PAK3: variants seen among roughly 807,000 people sequenced by gnomAD.
PAK3 encodes the protein serine/threonine-protein kinase PAK 3.
Under a neutral mutation model 41.0 loss-of-function variants are expected in PAK3, and 4 were observed. The observed-to-expected ratio is 0.10, with a 90% confidence interval of 0.05 to 0.22. The LOEUF is 0.22. PAK3 is among the 10% of genes least tolerant of loss of function. The probability of loss-of-function intolerance (pLI) is 1.00; values close to 1 mark genes in which losing one functional copy is unlikely to be tolerated. For missense variants in PAK3, 205 were observed against 409.9 expected (o/e 0.50, Z 4.32); for synonymous variants, 146 against 139.6 (o/e 1.05, Z -0.32).
chrX:111,198,505 T>A (rs894883643), intron 16 of PAK3, among the ~76,000 whole-genome samples: 1 of 112,253 alleles, frequency 8.9e-6, no homozygotes, highest in Non-Finnish European at 1.9e-5. Flanking sequence ...TTTTTGCATA[T>A]GATGAAGGGA....
chrX:111,216,688 A>C, intron 17 of PAK3, 130 bp downstream of exon 17: 1 of 591,713 alleles, frequency 1.7e-6, no homozygotes, highest in Non-Finnish European at 2.8e-6. Flanking sequence ...GACCACAGGC[A>C]CATAACTATA....
chrX:111,001,158 C>T (rs2091841958), intron 1 of PAK3, among the ~76,000 whole-genome samples: 1 of 111,938 alleles, frequency 8.9e-6, no homozygotes, highest in South Asian at 3.7e-4. Flanking sequence ...CAGTTTGCCG[C>T]ATTCTGTGGT....
chrX:111,055,812 A>G (rs960901514), intron 1 of PAK3, among the ~76,000 whole-genome samples: 4 of 112,073 alleles, frequency 3.6e-5, no homozygotes, highest in Admixed American at 9.4e-5. Context: ...AATTCTGAGC[A>G]GAACAGAATC....
chrX:110,977,258 T>C (rs1436278353), intron 1 of PAK3, among the ~76,000 whole-genome samples: 1 of 110,657 alleles, frequency 9.0e-6, no homozygotes, highest in African/African-American at 3.3e-5. Flanking sequence ...ATATATTTTA[T>C]GACAGTACTA....
At chrX:111,133,143 A>G (rs576125020) in intron 5 of PAK3, among the ~76,000 whole-genome samples, 1 of 111,778 alleles carries the variant, frequency 8.9e-6, no homozygotes, top group South Asian at 3.7e-4. Context: ...CTTTCTCAGC[A>G]TATTTTGTAT....
Position 110,995,173 on chromosome X carries a change from A to G in PAK3, c.-28+50545A>G, listed in dbSNP as rs192454647. Among the ~76,000 whole-genome samples, 317 of 111,262 alleles carry G rather than the reference A, an allele frequency of 2.8e-3. 2 individuals carry two copies. The highest frequency in any genetic ancestry group is 0.01 in the African/African-American group (311 of 30,612). On this transcript the variant is annotated intron_variant, in intron 1 of 14. Transcript: ENST00000425146. ...CCCCTCTCCCCTAGAAAGCATAAAAAAACCAGTGTTGGGGTTAGTAGGGCT... is the reference window on the plus strand; with the variant it reads ...CCCCTCTCCCCTAGAAAGCATAAAAGAACCAGTGTTGGGGTTAGTAGGGCT...
intron 5 of PAK3, among the ~76,000 whole-genome samples, chrX:111,133,045 C>T (rs1159746239): frequency 8.9e-6 from 1 of 111,788 alleles, no homozygotes; most frequent in Non-Finnish European, 1.9e-5. Context: ...CCTGCCCCCA[C>T]CATGGCATGT....
chrX:111,204,108 T>TAG (rs2094713161), intron 16 of PAK3, among the ~76,000 whole-genome samples: 1 of 111,406 alleles, frequency 9.0e-6, no homozygotes, highest in Non-Finnish European at 1.9e-5. Context: ...TGTCAAAAGA[T>TAG]AGACAGCTCT....
rs760423243 is a variant in PAK3, at chrX:110,993,034, ACT to A, written c.-28+48411_-28+48412del. ...CTGGAGGTTTTCCACTTTCTTAGTG[ACT>A]CTCTTAAAATGTGATGTCTAAAATT... On this transcript the variant is annotated intron_variant, in intron 1 of 14. Transcript: ENST00000425146. 3.4e-3 allele frequency among the ~76,000 whole-genome samples: 384 copies of A among 111,399 alleles called. 1 individual carries two copies. Among genetic ancestry groups the A allele is most frequent in the Middle Eastern group, 0.019 (4 of 216 alleles).
chrX:111,202,517 TA>T (rs1352840342), intron 16 of PAK3, among the ~76,000 whole-genome samples: 1 of 111,886 alleles, frequency 8.9e-6, no homozygotes, highest in Non-Finnish European at 1.9e-5. Flanking sequence ...TGACTGGGGT[TA>T]AAAATCTAAC....
intron 1 of PAK3, among the ~76,000 whole-genome samples, chrX:110,987,969 G>A (rs2091577748): frequency 8.9e-6 from 1 of 112,308 alleles, no homozygotes; most frequent in South Asian, 3.8e-4. Flanking sequence ...CTAAAGTGGG[G>A]TTGTTGTGGG....
intron 10 of PAK3, among the ~76,000 whole-genome samples, chrX:111,166,364 C>G (rs1181234682): frequency 9.0e-6 from 1 of 111,730 alleles, no homozygotes. Context: ...AGTACACTGG[C>G]ACAATCATGG....
chrX:110,987,662 A>C (rs1211832586), intron 1 of PAK3, among the ~76,000 whole-genome samples: 6 of 111,961 alleles, frequency 5.4e-5, no homozygotes. Flanking sequence ...GGAAACAGTA[A>C]AAACCTGATA....
At chrX:111,057,295 A>G (rs748847006) in intron 1 of PAK3, among the ~76,000 whole-genome samples, 2 of 111,973 alleles carry the variant, frequency 1.8e-5, no homozygotes, top group East Asian at 2.8e-4. Flanking sequence ...GCCATGATTC[A>G]AAAGTCAAAA....
intron 1 of PAK3, among the ~76,000 whole-genome samples, chrX:111,000,931 G>A (rs192288156): frequency 2.3e-4 from 26 of 111,443 alleles, no homozygotes; most frequent in Middle Eastern, 4.7e-3. Flanking sequence ...AGTAGGAAAG[G>A]GAAATGAGGA....
intron 1 of PAK3, among the ~76,000 whole-genome samples, chrX:111,027,677 G>C (rs936264293): frequency 9.0e-5 from 10 of 111,073 alleles, no homozygotes; most frequent in Non-Finnish European, 1.9e-4. Context: ...ATAGATGCTG[G>C]TGTGGATGCA....
intron 6 of PAK3, chrX:111,146,618 A>T: frequency 1.4e-6 from 1 of 693,092 alleles, no homozygotes; most frequent in Non-Finnish European, 2.2e-6. Context: ...TTGAGATGTC[A>T]TAGCACTGCA....
chrX:111,218,521 T>G (rs924831810), intron 17 of PAK3, among the ~76,000 whole-genome samples: 4 of 111,732 alleles, frequency 3.6e-5, no homozygotes, highest in African/African-American at 1.3e-4. Context: ...GTGATCAGGT[T>G]TAGTTAAGTT....
chrX:111,151,793 T>A (rs1439635257), intron 7 of PAK3, among the ~76,000 whole-genome samples: 1 of 111,692 alleles, frequency 9.0e-6, no homozygotes, highest in African/African-American at 3.3e-5. Flanking sequence ...GGGGCCATTA[T>A]GAAGTAAAAT....
Sources: gnomAD v4.1 joint callset for allele counts (sites outside exome capture counted in the v4.1 genomes callset) on GRCh38, gnomAD v4.1.1 for gene constraint, MANE v1.5 for transcripts, NCBI Gene and HGNC (gene_info 2026-07-23, HGNC 2026-07-21) for gene names.